Variants in EDDM13 observed in about 807,000 individuals in gnomAD.
EDDM13 encodes the protein epididymal protein 13.
A neutral mutation model predicts 17.8 loss-of-function variants in EDDM13; 24 were observed. The ratio of observed to expected loss-of-function variants is 1.35; its 90% CI spans 0.98 to 1.90. The LOEUF (loss-of-function observed/expected upper bound fraction) is 1.90. Ranked by LOEUF, EDDM13 falls within the 40% of genes most tolerant of loss-of-function variation. The pLI is 0.00. For missense variants in EDDM13, 97 were observed against 100.8 expected (o/e 0.96, Z 0.16); for synonymous variants, 31 against 37.5 (o/e 0.83, Z 0.63).
chr19:56,273,105 C>G (rs565915227), intron 1 of EDDM13, among the ~76,000 whole-genome samples, 186 bp downstream of exon 1: 135 of 152,280 alleles, frequency 8.9e-4, no homozygotes, highest in African/African-American at 3.0e-3. Flanking sequence ...AGCCCCTGCC[C>G]TTGGAGATAC....
chr19:56,302,114 G>C lies in EDDM13; in HGVS notation c.423+19G>C. 2.4e-6 allele frequency: 3 copies of C among 1,230,780 alleles called. No individual in the cohort carries two copies. Among genetic ancestry groups the C allele is most frequent in the Non-Finnish European group, 3.0e-6 (3 of 987,102 alleles). 76.2% of individuals were successfully genotyped at this position (1,230,780 alleles called of 1,614,324 possible). A position where few individuals can be genotyped will look rare whatever the true frequency, so the allele number is the denominator to read the frequency against. On this transcript the variant is annotated intron_variant, in intron 13 of 14. Coordinates refer to ENST00000649256, the MANE Select transcript of EDDM13 (RefSeq NM_001354658.2). ...GGACTGGGTAAGAAGAAGGCAGCAC[G>C]GAGGGGAGGAGTGTGAGGAGAGGAA...
Position 56,297,523 on chromosome 19 carries a change from A to C in EDDM13, c.287A>C (p.Lys96Thr). Residue 96 changes from lysine to threonine, a missense_variant, in exon 12 of 15, where the codon AAG becomes ACG. Transcript: ENST00000649256. The part of the protein sequence containing the change: ...QVLHEETSGC[K>T]EEVKPFSGTT... ...TTTTTAGAAGAAACAAGTGGCTGCA[A>C]GGAGGAAGGTAAGTGCTTGGGGTCG... 1.0e-6 allele frequency: 1 copy of C among 985,120 alleles called. No homozygotes were observed. Among genetic ancestry groups the C allele is most frequent in the Non-Finnish European group, 1.2e-6 (1 of 829,878 alleles). 61.0% of individuals were successfully genotyped at this position (985,120 alleles called of 1,614,324 possible).
chr19:56,302,981 C>CAGGT (rs1323966990), intron 13 of EDDM13: 1 of 397,470 alleles, frequency 2.5e-6, no homozygotes, highest in Non-Finnish European at 4.4e-6. Flanking sequence ...ACTTCATGAG[C>CAGGT]AGGTGCTAGT....
Position 56,272,829 on chromosome 19 carries a change from C to G in EDDM13, c.-6C>G. 2 of 982,930 alleles carry G rather than the reference C, an allele frequency of 2.0e-6. No individual in the cohort carries two copies. Among genetic ancestry groups the G allele is most frequent in the Non-Finnish European group, 2.4e-6 (2 of 827,700 alleles). The allele number at this position is 982,930 out of a possible 1,614,324, so 60.9% of individuals were successfully genotyped here. ...GAGAACATTCAGCCCAAATCCCAGC[C>G]CCATCATGCACAGATCAGAGCCATT... is the stretch of plus-strand genomic sequence containing the variant. On this transcript the variant is annotated 5_prime_UTR_variant, in exon 1 of 15. Coordinates refer to ENST00000649256, the MANE Select transcript of EDDM13 (RefSeq NM_001354658.2).
chr19:56,302,151 G>A, intron 13 of EDDM13, 56 bp downstream of exon 13: 1 of 1,199,574 alleles, frequency 8.3e-7, no homozygotes, highest in Non-Finnish European at 1.0e-6. Context: ...GAAAGAGGAG[G>A]GAAGTGGGGG....
At chr19:56,300,568 C>T (rs1031262512) in intron 12 of EDDM13, among the ~76,000 whole-genome samples, 1 of 152,190 alleles carries the variant, frequency 6.6e-6, no homozygotes, top group East Asian at 1.9e-4. Context: ...ATAATGCTGG[C>T]CGCAGGCTTA....
intron 9 of EDDM13, among the ~76,000 whole-genome samples, chr19:56,292,451 G>GTTTTTACTTTTTTTT (rs1239554892): frequency 6.9e-6 from 1 of 144,700 alleles, no homozygotes; most frequent in South Asian, 2.2e-4. Context: ...TTTTTTGTCT[G>GTTTTTACTTTTTTTT]TTTTTACTTT....
intron 9 of EDDM13, among the ~76,000 whole-genome samples, chr19:56,293,351 C>T (rs1283769471): frequency 2.0e-5 from 3 of 152,144 alleles, no homozygotes; most frequent in African/African-American, 7.2e-5. Flanking sequence ...AGTCTGGATC[C>T]CAAACGGTGC....
intron 2 of EDDM13, among the ~76,000 whole-genome samples, chr19:56,277,077 C>G (rs2038320769): frequency 6.6e-6 from 1 of 152,130 alleles, no homozygotes; most frequent in African/African-American, 2.4e-5. Context: ...AATCAGAACC[C>G]TCATATGCTG....
chr19:56,284,912 C>T, intron 5 of EDDM13, 86 bp from the exon 6 acceptor site: 4 of 626,726 alleles, frequency 6.4e-6, no homozygotes, highest in Non-Finnish European at 8.0e-6. Context: ...GAGTTTGTTA[C>T]ATCTGTTGAA....
intron 11 of EDDM13, 186 bp downstream of exon 11, chr19:56,296,548 C>T (rs532585742): frequency 6.6e-6 from 1 of 152,110 alleles, no homozygotes; most frequent in South Asian, 2.1e-4. Context: ...GATGTTAGCT[C>T]TCCTGTACCA....
In EDDM13 at chr19:56,302,179, A is replaced by G. The variant is rs114636646; in HGVS notation, c.423+84A>G. 6,167 of 1,053,290 alleles carry G rather than the reference A, an allele frequency of 5.9e-3. 136 individuals are homozygous for G. In the African/African-American group the frequency reaches 0.065, roughly 11 times the overall value. 65.2% of individuals were successfully genotyped at this position (1,053,290 alleles called of 1,614,324 possible). A position where few individuals can be genotyped will look rare whatever the true frequency, so the allele number is the denominator to read the frequency against. ...AGTGGGGGCACAGAGGAAGCGAAGGAGGGTGCCTCAGAGGTGCCAAGCAGG... is the reference window on the plus strand; with the variant it reads ...AGTGGGGGCACAGAGGAAGCGAAGGGGGGTGCCTCAGAGGTGCCAAGCAGG... On this transcript the variant is annotated intron_variant, in intron 13 of 14. Coordinates refer to ENST00000649256, the MANE Select transcript of EDDM13 (RefSeq NM_001354658.2).
intron 1 of EDDM13, among the ~76,000 whole-genome samples, chr19:56,273,409 C>T (rs2038001591): frequency 6.6e-6 from 1 of 152,160 alleles, no homozygotes; most frequent in Admixed American, 6.6e-5. Context: ...CTCATTCGAT[C>T]CACAAATGTT....
At chr19:56,293,157 G>GA (rs2039631679) in intron 9 of EDDM13, among the ~76,000 whole-genome samples, 1 of 152,114 alleles carries the variant, frequency 6.6e-6, no homozygotes, top group South Asian at 2.1e-4. Flanking sequence ...AAAACAAATT[G>GA]AAAAATGGTA....
intron 9 of EDDM13, among the ~76,000 whole-genome samples, chr19:56,294,903 C>T (rs1285181916): frequency 6.6e-6 from 1 of 152,224 alleles, no homozygotes; most frequent in Non-Finnish European, 1.5e-5. Flanking sequence ...ATGACTCTGT[C>T]TCTACGACAT....
chr19:56,300,569 C>T (rs956893773), intron 12 of EDDM13, among the ~76,000 whole-genome samples: 15 of 152,116 alleles, frequency 9.9e-5, no homozygotes, highest in South Asian at 2.1e-4. Flanking sequence ...TAATGCTGGC[C>T]GCAGGCTTAC....
At chr19:56,277,129 T>C (rs1260604642) in intron 2 of EDDM13, among the ~76,000 whole-genome samples, 1 of 152,132 alleles carries the variant, frequency 6.6e-6, no homozygotes, top group Non-Finnish European at 1.5e-5. Flanking sequence ...TGGAAAACAG[T>C]CTGGCTGTTC....
At chr19:56,280,181 C>T (rs1409408157) in intron 2 of EDDM13, among the ~76,000 whole-genome samples, 7 of 152,116 alleles carry the variant, frequency 4.6e-5, no homozygotes, top group Admixed American at 3.9e-4. Flanking sequence ...AAAAAGACAG[C>T]GTATTATACA....
At chr19:56,274,208 C>T (rs777281162) in intron 1 of EDDM13, among the ~76,000 whole-genome samples, 10 of 152,146 alleles carry the variant, frequency 6.6e-5, no homozygotes, top group Non-Finnish European at 1.3e-4. Context: ...AATCCCAGCA[C>T]TTTGGGAAGC....
Sources: allele counts gnomAD v4.1 joint callset (sites outside exome capture counted in the v4.1 genomes callset), GRCh38; gene constraint gnomAD v4.1.1; transcripts MANE v1.5; gene names NCBI Gene and HGNC (gene_info 2026-07-23, HGNC 2026-07-21).